Variants in GRID1 observed in about 807,000 individuals in gnomAD.
GRID1 encodes the protein glutamate ionotropic receptor delta type subunit 1, also known as glutamate receptor ionotropic, delta-1.
GRID1 carries 28 observed loss-of-function variants against 98.0 expected under a neutral mutation model. That is an observed-to-expected ratio of 0.29 (90% CI 0.21 to 0.39). The LOEUF is 0.39. Ranked by LOEUF, GRID1 falls within the 10% of genes least tolerant of loss-of-function variation. The pLI, the probability that GRID1 is intolerant of heterozygous loss-of-function variation, is 1.00. For synonymous variants in GRID1, 553 were observed against 538.5 expected, an observed-to-expected ratio of 1.03 and a Z score of -0.37; for missense variants, 1,111 against 1,340.5, an observed-to-expected ratio of 0.83 and a Z score of 2.67.
intron 8 of GRID1, among the ~76,000 whole-genome samples, chr10:85,754,921 T>C (rs993763989): frequency 5.9e-5 from 9 of 152,218 alleles, no homozygotes; most frequent in Non-Finnish European, 1.0e-4. Context: ...GACTGGCATA[T>C]TGGAGGTACT....
chr10:86,233,294 G>A (rs540959690), intron 2 of GRID1, among the ~76,000 whole-genome samples: 1 of 152,248 alleles, frequency 6.6e-6, no homozygotes, highest in East Asian at 1.9e-4. Flanking sequence ...CCCCAGATGA[G>A]ATGGCTGGGA....
intron 2 of GRID1, among the ~76,000 whole-genome samples, chr10:86,330,514 T>C (rs1848124659): frequency 6.6e-6 from 1 of 152,134 alleles, no homozygotes; most frequent in South Asian, 2.1e-4. Flanking sequence ...ACAGTCACAT[T>C]GATGGTGGAT....
At chr10:85,794,883 T>C (rs188686570) in intron 8 of GRID1, among the ~76,000 whole-genome samples, 14 of 152,314 alleles carry the variant, frequency 9.2e-5, no homozygotes, top group Admixed American at 7.8e-4. Context: ...TTTTCCTGCC[T>C]GAAAGACACA....
intron 8 of GRID1, among the ~76,000 whole-genome samples, chr10:85,747,293 A>G (rs996389075): frequency 2.0e-5 from 3 of 152,146 alleles, no homozygotes; most frequent in Non-Finnish European, 2.9e-5. Flanking sequence ...AATAAAGGAA[A>G]GGCAAGCAGG....
At chr10:86,091,459 C>T (rs929751883) in intron 4 of GRID1, among the ~76,000 whole-genome samples, 8 of 152,062 alleles carry the variant, frequency 5.3e-5, no homozygotes, top group African/African-American at 1.9e-4. Context: ...TCACCCCCAT[C>T]CCCCACAGCA....
intron 4 of GRID1, among the ~76,000 whole-genome samples, chr10:86,096,931 A>C (rs996487308): frequency 3.3e-5 from 5 of 152,244 alleles, no homozygotes; most frequent in African/African-American, 1.2e-4. Context: ...CATTACCCCA[A>C]GTGACCCACT....
chr10:86,284,689 C>A (rs572260966), intron 2 of GRID1, among the ~76,000 whole-genome samples: 1 of 152,340 alleles, frequency 6.6e-6, no homozygotes, highest in South Asian at 2.1e-4. Context: ...GCAGTCAAGG[C>A]AGGCAGAAAA....
Position 85,633,983 on chromosome 10 carries a change from C to G in GRID1, c.2193+13219G>C, listed in dbSNP as rs906888177. Among the ~76,000 whole-genome samples, 3 of 152,186 alleles carry G rather than the reference C, an allele frequency of 2.0e-5. No individual in the cohort carries two copies. In the South Asian group the frequency reaches 6.2e-4, roughly 32 times the overall value. ...GGTCAGGAGTTCAAGATCAGCCTGA[C>G]TAACATGGAGAAACCCTGTCTCTAC... is the stretch of plus-strand genomic sequence containing the variant. On this transcript the variant is annotated intron_variant, in intron 13 of 15. Coordinates refer to ENST00000327946, the MANE Select transcript of GRID1 (RefSeq NM_017551.3).
chr10:86,136,890 T>C (rs1222191001), intron 4 of GRID1, among the ~76,000 whole-genome samples: 1 of 152,204 alleles, frequency 6.6e-6, no homozygotes, highest in African/African-American at 2.4e-5. Context: ...ATCCGTACTC[T>C]AAACCTCAGC....
chr10:86,363,244 C>T (rs1044559770), intron 2 of GRID1, among the ~76,000 whole-genome samples: 7 of 152,252 alleles, frequency 4.6e-5, no homozygotes, highest in African/African-American at 1.7e-4. Context: ...ACAAGGGCGG[C>T]CCCGGCGTAG....
intron 4 of GRID1, among the ~76,000 whole-genome samples, chr10:86,090,842 G>T (rs557855027): frequency 2.0e-5 from 3 of 152,212 alleles, no homozygotes; most frequent in Admixed American, 2.0e-4. Context: ...GTGGGAAAGG[G>T]AGACCCTCCT....
At chr10:86,285,104 G>A (rs908828157) in intron 2 of GRID1, among the ~76,000 whole-genome samples, 3 of 135,422 alleles carry the variant, frequency 2.2e-5, no homozygotes, top group African/African-American at 8.3e-5. Flanking sequence ...CCCATGGCCA[G>A]GGACCTTTGC....
At chr10:85,877,623 G>A (rs201583225) in intron 5 of GRID1, among the ~76,000 whole-genome samples, 7 of 152,222 alleles carry the variant, frequency 4.6e-5, no homozygotes, top group South Asian at 2.1e-4. Context: ...CCATCTGTAC[G>A]TCACCATCAT....
At chr10:85,964,100 G>T (rs1358302260) in intron 4 of GRID1, among the ~76,000 whole-genome samples, 1 of 152,142 alleles carries the variant, frequency 6.6e-6, no homozygotes, top group Non-Finnish European at 1.5e-5. Context: ...ATCTCTTCAA[G>T]GAGGACTATA....
chr10:86,140,159 C>T (rs896581144), intron 3 of GRID1, among the ~76,000 whole-genome samples: 1 of 152,150 alleles, frequency 6.6e-6, no homozygotes, highest in Non-Finnish European at 1.5e-5. Flanking sequence ...CATTTTTTCA[C>T]AGCCTTGGAT....
rs1845857968 is a variant in GRID1, at chr10:86,195,355, C to G, written c.520+11009G>C. ...TTGCAGTGCTGAGGGGGGCCTGGTC[C>G]CTCTGCTTCCTCCCACCCTGTAACC... On this transcript the variant is annotated intron_variant, in intron 3 of 15. Coordinates refer to ENST00000327946, the MANE Select transcript of GRID1 (RefSeq NM_017551.3). The surrounding 1 kb of genome is among the most constrained non-coding windows in gnomAD (Gnocchi z 4.4). Among the ~76,000 whole-genome samples, 1 of 152,084 alleles carries G rather than the reference C, an allele frequency of 6.6e-6. No homozygotes were observed. Among genetic ancestry groups the G allele is most frequent in the African/African-American group, 2.4e-5 (1 of 41,442 alleles).
chr10:86,022,362 G>T (rs1447463018), intron 4 of GRID1, among the ~76,000 whole-genome samples: 2 of 151,922 alleles, frequency 1.3e-5, no homozygotes, highest in African/African-American at 4.8e-5. Context: ...CAGTAGCACC[G>T]GCCCCATTTT....
At chr10:85,834,844 G>A (rs1399093644) in intron 8 of GRID1, among the ~76,000 whole-genome samples, 1 of 152,072 alleles carries the variant, frequency 6.6e-6, no homozygotes, top group African/African-American at 2.4e-5. Context: ...TTACTTAAAT[G>A]CTAAAACAAC....
chr10:86,348,366 G>A (rs1180767429), intron 2 of GRID1, among the ~76,000 whole-genome samples: 9 of 152,250 alleles, frequency 5.9e-5, no homozygotes, highest in Non-Finnish European at 4.4e-5. Flanking sequence ...AGGAAGCAGA[G>A]CGGCCAGGAA....
Sources: gnomAD v4.1 joint callset for allele counts (sites outside exome capture counted in the v4.1 genomes callset) on GRCh38, gnomAD v4.1.1 for gene constraint, Gnocchi (gnomAD v3.1) non-coding constraint, MANE v1.5 for transcripts, NCBI Gene and HGNC (gene_info 2026-07-23, HGNC 2026-07-21) for gene names.